PCDHGA9: variants seen among roughly 807,000 people sequenced by gnomAD.
PCDHGA9 encodes protocadherin gamma-A9.
In PCDHGA9, 37 loss-of-function variants were observed where a neutral mutation model predicts 62.5. The ratio of observed to expected loss-of-function variants is 0.59; its 90% CI spans 0.46 to 0.78. The LOEUF (loss-of-function observed/expected upper bound fraction) is 0.78, where lower values mean the gene tolerates loss of function less well. Ranked by LOEUF, PCDHGA9 falls within the 30% of genes least tolerant of loss-of-function variation. The pLI is 0.00. For synonymous variants in PCDHGA9, 459 were observed against 484.6 expected, an observed-to-expected ratio of 0.95 and a Z score of 0.69; for missense variants, 1,138 against 1,166.2, an observed-to-expected ratio of 0.98 and a Z score of 0.35.
intron 1 of PCDHGA9, among the ~76,000 whole-genome samples, chr5:141,458,079 C>G (rs1016889225): frequency 6.6e-6 from 1 of 152,186 alleles, no homozygotes; most frequent in Non-Finnish European, 1.5e-5. Context: ...AACTATATTG[C>G]CGTAAGTTAA....
chr5:141,484,941 C>T (rs2099604065), intron 1 of PCDHGA9: 2 of 543,888 alleles, frequency 3.7e-6, no homozygotes, highest in East Asian at 6.3e-5. Context: ...ACGTTCTCTG[C>T]TCAGCCTATT....
intron 1 of PCDHGA9, chr5:141,478,597 C>T: frequency 6.4e-7 from 1 of 1,567,010 alleles, no homozygotes; most frequent in Non-Finnish European, 8.7e-7. Flanking sequence ...TTTATTCCTA[C>T]ATCATATTGA....
Position 141,486,219 on chromosome 5 carries a change from A to G in PCDHGA9, c.2425-8588A>G. 1 of 1,614,134 alleles carries G rather than the reference A, an allele frequency of 6.2e-7. No individual in the cohort carries two copies. Among genetic ancestry groups the G allele is most frequent in the African/African-American group, 1.3e-5 (1 of 75,042 alleles). ...CTGGACGTAAATGACAATGCCCCTT[A>G]CATCACAGTGACCTCAGAGCTTGGA... On this transcript the variant is annotated intron_variant, in intron 1 of 3. Transcript: ENST00000573521. This position sits in a 1 kb window ranked among gnomAD's most constrained non-coding sequence, Gnocchi z 5.0.
chr5:141,490,793 C>T lies in PCDHGA9; in HGVS notation c.2425-4014C>T, dbSNP rs2233608. 6 of 1,613,812 alleles carry T rather than the reference C, an allele frequency of 3.7e-6. No homozygotes were observed. The East Asian group carries it at 1.3e-4, about 36-fold the overall frequency. On this transcript the variant is annotated intron_variant, in intron 1 of 3. Transcript: ENST00000573521. This position sits in a 1 kb window ranked among gnomAD's most constrained non-coding sequence, Gnocchi z 5.4. Reference sequence around the variant, plus strand: ...AACCCAGAGGATGGACGGATCTTTGCCCAGCGTACCTTTGACTATGAATTG... The same window carrying T: ...AACCCAGAGGATGGACGGATCTTTGTCCAGCGTACCTTTGACTATGAATTG...
chr5:141,417,893 G>T (rs766340497), intron 1 of PCDHGA9: 2 of 1,572,670 alleles, frequency 1.3e-6, no homozygotes, highest in Admixed American at 1.9e-5. Flanking sequence ...GCGCCGGGCC[G>T]GCCCGCGGCA....
chr5:141,407,497 G>GTTTTTTT (rs1554102286), intron 1 of PCDHGA9, among the ~76,000 whole-genome samples: 1 of 152,088 alleles, frequency 6.6e-6, no homozygotes, highest in African/African-American at 2.4e-5. Context: ...CTTTATTTCT[G>GTTTTTTT]TTTTTCTTAG....
intron 1 of PCDHGA9, chr5:141,471,461 T>C (rs1409374601): frequency 6.6e-6 from 1 of 152,194 alleles, no homozygotes; most frequent in Non-Finnish European, 1.5e-5. Flanking sequence ...GAAAGATTAC[T>C]CAGGTCTCTG....
At chr5:141,421,464 T>C in intron 1 of PCDHGA9, 1 of 1,614,090 alleles carries the variant, frequency 6.2e-7, no homozygotes, top group Non-Finnish European at 8.5e-7. Flanking sequence ...TCGCTGTGAA[T>C]CCGCGAAGCG....
intron 1 of PCDHGA9, chr5:141,410,641 T>G: frequency 6.3e-7 from 1 of 1,599,146 alleles, no homozygotes. Context: ...CTTTTTTGTG[T>G]GTGATTTATC....
chr5:141,421,194 C>G, intron 1 of PCDHGA9: 1 of 1,498,922 alleles, frequency 6.7e-7, no homozygotes, highest in South Asian at 1.3e-5. Context: ...CCAACCAGCT[C>G]GAGAAACCGC....
At chr5:141,501,628 C>T (rs1217355708) in intron 2 of PCDHGA9, among the ~76,000 whole-genome samples, 1 of 152,112 alleles carries the variant, frequency 6.6e-6, no homozygotes, top group Non-Finnish European at 1.5e-5. Flanking sequence ...TATAGTCTCT[C>T]AACCTCTCTG....
chr5:141,487,848 G>C lies in PCDHGA9; in HGVS notation c.2425-6959G>C. ...TCATGCCTATATCTGAGTAAGAAAT[G>C]AAAGTAATTGGTGATCAAGAGCCAG... is the stretch of plus-strand genomic sequence containing the variant. On this transcript the variant is annotated intron_variant, in intron 1 of 3. Coordinates refer to ENST00000573521, the MANE Select transcript of PCDHGA9 (RefSeq NM_018921.3). The surrounding 1 kb of genome is among the most constrained non-coding windows in gnomAD (Gnocchi z 5.0). 1 of 1,022,244 alleles carries C rather than the reference G, an allele frequency of 9.8e-7. No homozygotes were observed. The highest frequency in any genetic ancestry group is 1.4e-6 in the Non-Finnish European group (1 of 711,992). The allele number at this position is 1,022,244 out of a possible 1,614,324, so 63.3% of individuals were successfully genotyped here. A position where few individuals can be genotyped will look rare whatever the true frequency, so the allele number is the denominator to read the frequency against.
Position 141,453,292 on chromosome 5 carries a change from T to A in PCDHGA9, c.2425-41515T>A, listed in dbSNP as rs141563552. The stretch of plus-strand genomic sequence containing the variant: ...CCATGACTGGCTAATTTTTTAATTA[T>A]TTATTTATTTATTTATTTATTTTAG... On this transcript the variant is annotated intron_variant, in intron 1 of 3. Transcript: ENST00000573521. Among the ~76,000 whole-genome samples, 253 of 151,810 alleles carry A rather than the reference T, an allele frequency of 1.7e-3. 1 individual carries two copies. The highest frequency in any genetic ancestry group is 2.6e-3 in the Non-Finnish European group (178 of 67,938).
chr5:141,479,631 A>G (rs191955216), intron 1 of PCDHGA9: 1 of 152,282 alleles, frequency 6.6e-6, no homozygotes, highest in Non-Finnish European at 1.5e-5. Context: ...TCTCTTTAAC[A>G]ATAACAACAA....
Position 141,489,842 on chromosome 5 carries a change from A to T in PCDHGA9, c.2425-4965A>T. ...GAGCTGGTGCTAGAGCAGCAGCTGGATCGTGAAGCCCAGGCAAGACATCAG... is the reference window on the plus strand; with the variant it reads ...GAGCTGGTGCTAGAGCAGCAGCTGGTTCGTGAAGCCCAGGCAAGACATCAG... On this transcript the variant is annotated intron_variant, in intron 1 of 3. Coordinates refer to ENST00000573521, the MANE Select transcript of PCDHGA9 (RefSeq NM_018921.3). The surrounding 1 kb of genome is among the most constrained non-coding windows in gnomAD (Gnocchi z 4.5). 6.2e-7 allele frequency: 1 copy of T among 1,614,186 alleles called. No homozygotes were observed. Among genetic ancestry groups the T allele is most frequent in the South Asian group, 1.1e-5 (1 of 91,086 alleles).
intron 1 of PCDHGA9, chr5:141,415,733 T>C: frequency 7.1e-7 from 1 of 1,407,484 alleles, no homozygotes; most frequent in Non-Finnish European, 9.3e-7. Context: ...ATTTGATGTT[T>C]ATTAAGGTTT....
At chr5:141,478,717 C>T (rs1381812771) in intron 1 of PCDHGA9, 1 of 1,545,032 alleles carries the variant, frequency 6.5e-7, no homozygotes, top group South Asian at 1.2e-5. Context: ...GAGATGGTGG[C>T]CTGCCAGAGT....
chr5:141,465,800 C>G (rs1486100601), intron 1 of PCDHGA9, among the ~76,000 whole-genome samples: 2 of 151,524 alleles, frequency 1.3e-5, no homozygotes, highest in East Asian at 3.9e-4. Flanking sequence ...TTTAAGAAAC[C>G]CTTCAGGATC....
At chr5:141,495,544 T>C (rs971374249) in intron 2 of PCDHGA9, among the ~76,000 whole-genome samples, 5 of 152,220 alleles carry the variant, frequency 3.3e-5, no homozygotes, top group African/African-American at 7.2e-5. Context: ...CCTCAGTCTC[T>C]ATCTCGCTTT....
Sources: gnomAD v4.1 joint callset for allele counts (sites outside exome capture counted in the v4.1 genomes callset) on GRCh38, gnomAD v4.1.1 for gene constraint, Gnocchi (gnomAD v3.1) non-coding constraint, MANE v1.5 for transcripts, NCBI Gene and HGNC (gene_info 2026-07-23, HGNC 2026-07-21) for gene names.